AKT3: variants seen among roughly 807,000 people sequenced by gnomAD.
The protein encoded by AKT3 is AKT serine/threonine kinase 3.
AKT3 carries 15 observed loss-of-function variants against 65.3 expected under a neutral mutation model. The ratio of observed to expected loss-of-function variants is 0.23; its 90% CI spans 0.15 to 0.35. AKT3 has a LOEUF of 0.35. Among genes scored for constraint, AKT3 ranks in the 10% least tolerant of loss-of-function variants. AKT3 has a pLI of 1.00. For missense variants in AKT3, 243 were observed against 576.5 expected (o/e 0.42, Z 5.92); for synonymous variants, 206 against 183.8 (o/e 1.12, Z -0.98).
At chr1:243,773,207 A>AAT (rs560934821) in intron 2 of AKT3, among the ~76,000 whole-genome samples, 5,240 of 145,238 alleles carry the variant, frequency 0.036, 123 homozygotes, top group Non-Finnish European at 0.05. Context: ...ATATATAAAA[A>AAT]ATATATATAT....
intron 9 of AKT3, among the ~76,000 whole-genome samples, chr1:243,564,897 T>G (rs1175329750): frequency 6.6e-6 from 1 of 152,202 alleles, no homozygotes; most frequent in Non-Finnish European, 1.5e-5. Flanking sequence ...TTTGAAAGAA[T>G]GTACCTGGAC....
rs1230714185 is a variant in AKT3 at position 243,645,909 on chromosome 1, G to A, written c.413C>T (p.Thr138Ile). The change falls in exon 5 of 14, where the codon ACC becomes ATC. Residue 138 changes from threonine (T) to isoleucine (I), a missense_variant. Thr to Ile is a moderately conservative substitution (Grantham distance 89, BLOSUM62 -1). Around this residue, in one of 6 missense-constraint regions of AKT3, gnomAD observed 72 missense variants for 86.0 expected, o/e 0.84. Transcript: ENST00000673466. ...IGEEEMDAST[T>I]HHKRKTMNDF... ...ATTTTCTACCTTTCTTTTATGATGGGTTGTAGAGGCATCCATCTCTTCCTC... is the reference window on the plus strand; with the variant it reads ...ATTTTCTACCTTTCTTTTATGATGGATTGTAGAGGCATCCATCTCTTCCTC... The A allele has an allele frequency of 1.2e-6, 2 of 1,610,778 alleles. No individual in the cohort carries two copies. The highest frequency in any genetic ancestry group is 2.2e-5 in the South Asian group (2 of 90,734).
chr1:243,635,393 C>T (rs1382739759), intron 6 of AKT3, among the ~76,000 whole-genome samples: 2 of 151,074 alleles, frequency 1.3e-5, no homozygotes, highest in South Asian at 2.1e-4. Context: ...ATAAATTAAC[C>T]CAAAGCAAGC....
intron 2 of AKT3, among the ~76,000 whole-genome samples, chr1:243,775,562 A>C (rs1171901166): frequency 1.3e-5 from 2 of 152,188 alleles, no homozygotes; most frequent in African/African-American, 2.4e-5. Context: ...GGATCCACCA[A>C]AGAGGACTCC....
chr1:243,686,133 A>C (rs1684274083), intron 3 of AKT3, among the ~76,000 whole-genome samples: 1 of 152,214 alleles, frequency 6.6e-6, no homozygotes, highest in Admixed American at 6.5e-5. Flanking sequence ...AAAACATTCC[A>C]TGCTCATGGA....
At chr1:243,748,642 GATA>G (rs1688621354) in intron 2 of AKT3, among the ~76,000 whole-genome samples, 1 of 152,134 alleles carries the variant, frequency 6.6e-6, no homozygotes, top group Non-Finnish European at 1.5e-5. Flanking sequence ...GTGTGATTAA[GATA>G]ATAAAAATAA....
rs1669461144 is a variant in AKT3, at chr1:243,503,416, A to G, written c.*1833T>C. On this transcript the variant is annotated 3_prime_UTR_variant, in exon 14 of 14. Transcript: ENST00000673466. The stretch of plus-strand genomic sequence containing the variant: ...TGCTCTTTCATACAATGCAATCATA[A>G]TACTACGTCATGCTGTAGTCTTCCG... 2 of 233,468 alleles carry G rather than the reference A, an allele frequency of 8.6e-6. No homozygotes were observed. Among genetic ancestry groups the G allele is most frequent in the Non-Finnish European group, 1.7e-5 (2 of 118,016 alleles). The allele number at this position is 233,468 out of a possible 1,614,324, so 14.5% of individuals were successfully genotyped here.
At chr1:243,727,289 GTTGATTGATTGA>G (rs753057854) in intron 2 of AKT3, among the ~76,000 whole-genome samples, 1 of 152,102 alleles carries the variant, frequency 6.6e-6, no homozygotes, top group Non-Finnish European at 1.5e-5. Flanking sequence ...AAGTAAGTTA[GTTGATTGATTGA>G]TTGATTGATT....
At position 243,572,908 on chromosome 1, in the gene AKT3, C is replaced by CTTTT; in HGVS notation, c.819+14_819+17dup. ...TCTCTGCAAAAACAAATTTTGATTA[C>CTTTT]TTTTTTTTTTTTTTTACCTTGAGAT... On this transcript the variant is annotated intron_variant, in intron 9 of 13. Coordinates refer to ENST00000673466, the MANE Select transcript of AKT3 (RefSeq NM_005465.7). 4 of 1,503,926 alleles carry CTTTT rather than the reference C, an allele frequency of 2.7e-6. No homozygotes were observed. Among genetic ancestry groups the CTTTT allele is most frequent in the South Asian group, 2.5e-5 (2 of 80,302 alleles). The allele number at this position is 1,503,926 out of a possible 1,614,324, so 93.2% of individuals were successfully genotyped here. A position where few individuals can be genotyped will look rare whatever the true frequency, so the allele number is the denominator to read the frequency against.
chr1:243,689,704 T>C (rs886853262), intron 3 of AKT3, among the ~76,000 whole-genome samples: 3 of 152,032 alleles, frequency 2.0e-5, no homozygotes, highest in South Asian at 2.1e-4. Context: ...CCTATAATTC[T>C]AGCACTTTGG....
intron 8 of AKT3, among the ~76,000 whole-genome samples, chr1:243,601,803 A>G (rs1677024293): frequency 6.6e-6 from 1 of 152,128 alleles, no homozygotes; most frequent in African/African-American, 2.4e-5. Context: ...AAAATGGAGA[A>G]CACAAAAGCC....
chr1:243,752,797 C>T (rs1688890091), intron 2 of AKT3, among the ~76,000 whole-genome samples: 1 of 152,126 alleles, frequency 6.6e-6, no homozygotes, highest in South Asian at 2.1e-4. Flanking sequence ...ATTAACAGTA[C>T]TAGTTAGTTT....
Position 243,802,874 on chromosome 1 carries a change from C to A in AKT3, c.46+40251G>T, listed in dbSNP as rs1347701166. On this transcript the variant is annotated intron_variant, in intron 2 of 13. Coordinates refer to ENST00000673466, the MANE Select transcript of AKT3 (RefSeq NM_005465.7). ...TCAGTAAGAATTTTAACAGGCCAGG[C>A]ACAGTGGCTCATGCCCATAATCCTG... 8.6e-5 allele frequency among the ~76,000 whole-genome samples: 13 copies of A among 151,702 alleles called. No individual in the cohort carries two copies. In the Admixed American group the frequency reaches 8.6e-4, roughly 10 times the overall value.
At position 243,843,113 on chromosome 1, in the gene AKT3, C is replaced by T. The variant is rs184404650; in HGVS notation, c.46+12G>A. ...TACCAACCGTATTATTTTTGGTTTG[C>T]GGAGCACTTACCCCTCTTCTGAACC... On this transcript the variant is annotated intron_variant, in intron 2 of 13. Transcript: ENST00000673466. The T allele has an allele frequency of 6.2e-5, 100 of 1,613,378 alleles. No homozygotes were observed. In the African/African-American group the frequency reaches 1.1e-3, roughly 18 times the overall value.
intron 2 of AKT3, among the ~76,000 whole-genome samples, chr1:243,805,758 G>A (rs930813728): frequency 6.6e-6 from 1 of 152,006 alleles, no homozygotes; most frequent in Non-Finnish European, 1.5e-5. Flanking sequence ...TCTCTAAAGA[G>A]GTCTCCTTTT....
chr1:243,604,716 C>A (rs540746053), intron 8 of AKT3, among the ~76,000 whole-genome samples: 11 of 152,274 alleles, frequency 7.2e-5, no homozygotes, highest in Non-Finnish European at 1.6e-4. Context: ...ATCAGAGCAA[C>A]CATGTCACTG....
chr1:243,837,839 T>C (rs1694989098), intron 2 of AKT3, among the ~76,000 whole-genome samples: 1 of 152,096 alleles, frequency 6.6e-6, no homozygotes, highest in South Asian at 2.1e-4. Context: ...AAGCAAAATA[T>C]CCACTCTTAC....
chr1:243,519,313 G>C (rs1197556108), intron 12 of AKT3, among the ~76,000 whole-genome samples: 1 of 152,180 alleles, frequency 6.6e-6, no homozygotes, highest in African/African-American at 2.4e-5. Context: ...CTGCAGACAA[G>C]AGCAGAACTT....
intron 9 of AKT3, among the ~76,000 whole-genome samples, chr1:243,567,908 G>A (rs996570468): frequency 9.9e-5 from 15 of 152,090 alleles, no homozygotes; most frequent in African/African-American, 2.2e-4. Context: ...AGGGTGATTC[G>A]TAAACCTGCA....
Sources: gnomAD v4.1 joint callset for allele counts (sites outside exome capture counted in the v4.1 genomes callset) on GRCh38, gnomAD v4.1.1 for gene constraint, gnomAD v4.1.1 regional missense constraint, MANE v1.5 for transcripts, NCBI Gene and HGNC (gene_info 2026-07-23, HGNC 2026-07-21) for gene names.